The following TAFA2 variants were observed in gnomAD, a reference collection of about 807,000 sequenced individuals.
TAFA2 encodes the protein TAFA chemokine like family member 2.
Under a neutral mutation model 18.8 loss-of-function variants are expected in TAFA2, and 7 were observed. The ratio of observed to expected loss-of-function variants is 0.37; its 90% CI spans 0.21 to 0.70. The LOEUF is 0.70. Ranked by LOEUF, TAFA2 falls within the 30% of genes least tolerant of loss-of-function variation. The pLI is 0.53. For synonymous variants in TAFA2, 60 were observed against 54.2 expected, an observed-to-expected ratio of 1.11 and a Z score of -0.47; for missense variants, 122 against 158.1, an observed-to-expected ratio of 0.77 and a Z score of 1.23.
intron 1 of TAFA2, among the ~76,000 whole-genome samples, chr12:62,214,842 T>C (rs1332502441): frequency 1.3e-5 from 2 of 152,214 alleles, no homozygotes; most frequent in Non-Finnish European, 2.9e-5. Flanking sequence ...TACTTTGTTA[T>C]GGCATCCCTC....
At chr12:61,760,930 G>C (rs1470784373) in intron 2 of TAFA2, among the ~76,000 whole-genome samples, 2 of 150,098 alleles carry the variant, frequency 1.3e-5, no homozygotes, top group Non-Finnish European at 3.0e-5. Flanking sequence ...TAAACACAAA[G>C]TATTCCCTCC....
intron 1 of TAFA2, among the ~76,000 whole-genome samples, chr12:62,049,111 T>C (rs1206399284): frequency 6.6e-6 from 1 of 152,174 alleles, no homozygotes; most frequent in Non-Finnish European, 1.5e-5. Flanking sequence ...CTCCAGTGGA[T>C]ATGTCAAAGT....
chr12:61,780,449 C>A (rs1870455921), intron 2 of TAFA2, among the ~76,000 whole-genome samples: 1 of 151,814 alleles, frequency 6.6e-6, no homozygotes, highest in Admixed American at 6.6e-5. Flanking sequence ...CCACTGACAT[C>A]TCCTTTCTTA....
chr12:62,006,649 GT>G (rs1414504746), intron 1 of TAFA2, among the ~76,000 whole-genome samples: 1 of 152,108 alleles, frequency 6.6e-6, no homozygotes, highest in Non-Finnish European at 1.5e-5. Context: ...GCCACCCAAT[GT>G]TTTTCCATAT....
At chr12:62,108,780 G>T (rs189412394) in intron 1 of TAFA2, among the ~76,000 whole-genome samples, 1 of 152,144 alleles carries the variant, frequency 6.6e-6, no homozygotes, top group Non-Finnish European at 1.5e-5. Context: ...CCACATAAAT[G>T]CCTTATTTTG....
upstream of TAFA2, chr12:62,259,072 C>T (rs2062963731): frequency 6.5e-6 from 1 of 153,598 alleles, no homozygotes; most frequent in Non-Finnish European, 1.5e-5. Context: ...ACACTACTTT[C>T]ACTTGGATTC....
chr12:61,981,227 T>A (rs1879625216), intron 1 of TAFA2, among the ~76,000 whole-genome samples: 1 of 152,180 alleles, frequency 6.6e-6, no homozygotes, highest in Non-Finnish European at 1.5e-5. Flanking sequence ...CCCTATTTAA[T>A]AAATGGTGCT....
At chr12:61,779,679 G>A (rs1870420842) in intron 2 of TAFA2, among the ~76,000 whole-genome samples, 2 of 151,820 alleles carry the variant, frequency 1.3e-5, no homozygotes, top group Admixed American at 1.3e-4. Flanking sequence ...TCAATTGGTA[G>A]GGAGGAGATT....
intron 2 of TAFA2, among the ~76,000 whole-genome samples, chr12:61,764,878 T>C (rs988585003): frequency 4.6e-5 from 7 of 152,068 alleles, no homozygotes; most frequent in Non-Finnish European, 1.0e-4. Flanking sequence ...ATATTCACTA[T>C]AAAGTCAATC....
chr12:62,111,506 C>T (rs903688095), intron 1 of TAFA2, among the ~76,000 whole-genome samples: 2 of 152,164 alleles, frequency 1.3e-5, no homozygotes, highest in East Asian at 1.9e-4. Context: ...ATTAGGTCTG[C>T]TTTGTCCAGA....
At chr12:61,925,860 C>G (rs898444136) in intron 1 of TAFA2, among the ~76,000 whole-genome samples, 1 of 152,112 alleles carries the variant, frequency 6.6e-6, no homozygotes, top group Admixed American at 6.5e-5. Context: ...CAGAGCAGAA[C>G]TGAAGGAGAT....
At chr12:61,748,203 T>C (rs945473713) in intron 4 of TAFA2, among the ~76,000 whole-genome samples, 39 of 152,230 alleles carry the variant, frequency 2.6e-4, no homozygotes, top group African/African-American at 8.7e-4. Context: ...TAATGCAACC[T>C]TAATTTTAAT....
intron 2 of TAFA2, among the ~76,000 whole-genome samples, chr12:61,838,695 G>C (rs1270294288): frequency 6.6e-6 from 1 of 152,002 alleles, no homozygotes; most frequent in African/African-American, 2.4e-5. Context: ...GCTCTTTCCA[G>C]GCATTTATTA....
chr12:62,157,960 C>T (rs920441992), intron 1 of TAFA2, among the ~76,000 whole-genome samples: 3 of 152,140 alleles, frequency 2.0e-5, no homozygotes, highest in Non-Finnish European at 4.4e-5. Flanking sequence ...ACCATAAATA[C>T]TTGTCAGGTG....
chr12:61,976,058 A>AT (rs1487083594), intron 1 of TAFA2, among the ~76,000 whole-genome samples: 14 of 151,868 alleles, frequency 9.2e-5, no homozygotes, highest in African/African-American at 3.1e-4. Flanking sequence ...GAATGAAAAA[A>AT]TAAAGGGAAT....
chr12:62,144,496 G>A (rs957334909), intron 1 of TAFA2, among the ~76,000 whole-genome samples: 2 of 152,082 alleles, frequency 1.3e-5, no homozygotes, highest in African/African-American at 4.8e-5. Context: ...TATATTTGTG[G>A]AAAAAAATTT....
chr12:62,020,594 G>A lies in TAFA2; in HGVS notation c.-1-153168C>T, dbSNP rs558053612. On this transcript the variant is annotated intron_variant, in intron 1 of 4. Coordinates refer to ENST00000416284, the MANE Select transcript of TAFA2 (RefSeq NM_178539.5). ...CAGGGAGTCAGATAATAAGGATGAA[G>A]GTGAAAATTATCTACCTACAAACCA... is the stretch of plus-strand genomic sequence containing the variant. 2.6e-4 allele frequency among the ~76,000 whole-genome samples: 40 copies of A among 152,256 alleles called. No homozygotes were observed. In the South Asian group the frequency reaches 7.7e-3, roughly 29 times the overall value.
At chr12:61,938,472 G>A (rs1217814690) in intron 1 of TAFA2, among the ~76,000 whole-genome samples, 1 of 152,066 alleles carries the variant, frequency 6.6e-6, no homozygotes, top group Non-Finnish European at 1.5e-5. Context: ...CTACTTGAGG[G>A]TGGAGAATAA....
At position 61,950,079 on chromosome 12, in the gene TAFA2, T is replaced by C. The variant is rs1329502620; in HGVS notation, c.-1-82653A>G. 3.3e-5 allele frequency among the ~76,000 whole-genome samples: 5 copies of C among 152,186 alleles called. No individual in the cohort carries two copies. In the East Asian group the frequency reaches 9.6e-4, roughly 29 times the overall value. On this transcript the variant is annotated intron_variant, in intron 1 of 4. Transcript: ENST00000416284. ...TAATGTCCTCAAGTTTCATCCATGT[T>C]GTCACATGTGACAGGAAGTACTTCC...
Sources: gnomAD v4.1 joint callset for allele counts (sites outside exome capture counted in the v4.1 genomes callset) on GRCh38, gnomAD v4.1.1 for gene constraint, MANE v1.5 for transcripts, NCBI Gene and HGNC (gene_info 2026-07-23, HGNC 2026-07-21) for gene names.